Variants in CSMD1 observed in about 807,000 individuals in gnomAD.
The protein encoded by CSMD1 is CUB and Sushi multiple domains 1.
A neutral mutation model predicts 417.5 loss-of-function variants in CSMD1; 213 were observed. That is an observed-to-expected ratio of 0.51 (90% CI 0.46 to 0.57). CSMD1 has a LOEUF of 0.57. Ranked by LOEUF, CSMD1 falls within the 20% of genes least tolerant of loss-of-function variation. The pLI is 0.00. For missense variants in CSMD1, 6,923 were observed against 4,529.7 expected, an observed-to-expected ratio of 1.53 and a Z score of -15.17; for synonymous variants, 2,862 against 1,736.8, an observed-to-expected ratio of 1.65 and a Z score of -16.11.
At chr8:4,243,123 G>C (rs1585084911) in intron 3 of CSMD1, among the ~76,000 whole-genome samples, 2 of 152,010 alleles carry the variant, frequency 1.3e-5, no homozygotes, top group South Asian at 4.1e-4. Context: ...TGGAAAATCA[G>C]ACAAATTGAG....
At chr8:3,498,812 CATTTT>C (rs1796473073) in intron 10 of CSMD1, among the ~76,000 whole-genome samples, 2 of 151,914 alleles carry the variant, frequency 1.3e-5, no homozygotes, top group African/African-American at 2.4e-5. Context: ...AAATTGTATT[CATTTT>C]ATTATTCAGT....
At chr8:4,252,299 T>A (rs140492451) in intron 3 of CSMD1, among the ~76,000 whole-genome samples, 2 of 152,296 alleles carry the variant, frequency 1.3e-5, no homozygotes, top group East Asian at 3.9e-4. Flanking sequence ...TCATGCACAC[T>A]CCAACATTTG....
intron 1 of CSMD1, among the ~76,000 whole-genome samples, chr8:4,935,399 A>G (rs902077119): frequency 2.0e-5 from 3 of 152,170 alleles, no homozygotes; most frequent in African/African-American, 7.2e-5. Flanking sequence ...CAAAAGCCCT[A>G]TTACTCTGTG....
intron 4 of CSMD1, among the ~76,000 whole-genome samples, chr8:4,023,761 T>C (rs1796912894): frequency 9.9e-6 from 1 of 100,838 alleles, no homozygotes; most frequent in Non-Finnish European, 2.0e-5. Flanking sequence ...TAATTTTTTT[T>C]TTTTTTTTTT....
chr8:3,444,184 T>A (rs1815162425), intron 12 of CSMD1, among the ~76,000 whole-genome samples: 1 of 152,164 alleles, frequency 6.6e-6, no homozygotes, highest in South Asian at 2.1e-4. Flanking sequence ...TGTTGAAATA[T>A]CATTTGCCAT....
intron 1 of CSMD1, among the ~76,000 whole-genome samples, chr8:4,887,527 T>G (rs1803832457): frequency 6.6e-6 from 1 of 151,968 alleles, no homozygotes; most frequent in Admixed American, 6.6e-5. Flanking sequence ...CCTTGTTATT[T>G]TTTACATAGT....
chr8:3,001,121 G>A (rs148480232), intron 52 of CSMD1, among the ~76,000 whole-genome samples: 93 of 151,992 alleles, frequency 6.1e-4, no homozygotes, highest in African/African-American at 2.1e-3. Context: ...ATGGGACTAC[G>A]CCACCATGGT....
intron 33 of CSMD1, 29 bp downstream of exon 33, chr8:3,199,685 C>T (rs745790386): frequency 1.4e-6 from 2 of 1,460,928 alleles, no homozygotes; most frequent in East Asian, 2.4e-5. Context: ...ACCACAGTGA[C>T]ATGTGGAGAC....
chr8:4,089,171 T>A (rs1018632804), intron 3 of CSMD1, among the ~76,000 whole-genome samples: 1 of 152,162 alleles, frequency 6.6e-6, no homozygotes, highest in Admixed American at 6.5e-5. Context: ...TCCCCACTCT[T>A]TATGGTGACA....
intron 2 of CSMD1, among the ~76,000 whole-genome samples, chr8:4,554,912 T>A (rs553922026): frequency 6.6e-6 from 1 of 152,248 alleles, no homozygotes; most frequent in South Asian, 2.1e-4. Flanking sequence ...GGATGTGGGA[T>A]GCTGTCTTCT....
At chr8:4,416,805 G>A (rs1219983142) in intron 3 of CSMD1, among the ~76,000 whole-genome samples, 3 of 151,996 alleles carry the variant, frequency 2.0e-5, no homozygotes, top group Non-Finnish European at 4.4e-5. Context: ...AGGTCAGCTT[G>A]ATGACAAAGT....
At chr8:3,031,759 A>G (rs1300078082) in intron 50 of CSMD1, among the ~76,000 whole-genome samples, 1 of 151,930 alleles carries the variant, frequency 6.6e-6, no homozygotes, top group Non-Finnish European at 1.5e-5. Context: ...TACCATCTAC[A>G]GTATCAATTT....
chr8:3,703,757 A>T (rs190147214), intron 7 of CSMD1, among the ~76,000 whole-genome samples: 1 of 152,262 alleles, frequency 6.6e-6, no homozygotes, highest in Admixed American at 6.5e-5. Context: ...ATCTATGGCC[A>T]GCTATTACAT....
In CSMD1 at chr8:4,486,949, G is replaced by T. The variant is rs185053992; in HGVS notation, c.303-66884C>A. Among the ~76,000 whole-genome samples the T allele has an allele frequency of 1.2e-4, 19 of 152,238 alleles. No homozygotes were observed. In the East Asian group the frequency reaches 3.7e-3, roughly 29 times the overall value. On this transcript the variant is annotated intron_variant, in intron 2 of 69. Transcript: ENST00000635120. The stretch of plus-strand genomic sequence containing the variant: ...TGTCAAGCAGGCAGGGTCCTAAATG[G>T]TAGCTCACAGAGAGAGATGCACAGC...
At chr8:4,336,774 G>A (rs896747848) in intron 3 of CSMD1, among the ~76,000 whole-genome samples, 1 of 152,100 alleles carries the variant, frequency 6.6e-6, no homozygotes, top group Non-Finnish European at 1.5e-5. Context: ...GCAAAGCTGG[G>A]CCCAGAGGGA....
chr8:3,090,427 A>G (rs1165565614), intron 48 of CSMD1, among the ~76,000 whole-genome samples: 2 of 151,136 alleles, frequency 1.3e-5, no homozygotes, highest in South Asian at 4.2e-4. Flanking sequence ...CAAAGGTCTG[A>G]GTATATTTTA....
intron 3 of CSMD1, among the ~76,000 whole-genome samples, chr8:4,299,756 G>C (rs747285688): frequency 1.3e-5 from 2 of 151,818 alleles, no homozygotes; most frequent in Non-Finnish European, 2.9e-5. Context: ...TCAGCCTCCC[G>C]AGTAGCTGAG....
intron 7 of CSMD1, among the ~76,000 whole-genome samples, chr8:3,664,181 T>C (rs1585039210): frequency 6.6e-6 from 1 of 152,242 alleles, no homozygotes; most frequent in East Asian, 1.9e-4. Context: ...ATCCCTACCC[T>C]AGACCCCCAC....
At chr8:4,095,915 C>T (rs1800982713) in intron 3 of CSMD1, among the ~76,000 whole-genome samples, 1 of 151,998 alleles carries the variant, frequency 6.6e-6, no homozygotes, top group South Asian at 2.1e-4. Context: ...ATTTTTGTTT[C>T]AGTTATTTAA....
Sources: allele counts gnomAD v4.1 joint callset (sites outside exome capture counted in the v4.1 genomes callset), GRCh38; gene constraint gnomAD v4.1.1; transcripts MANE v1.5; gene names NCBI Gene and HGNC (gene_info 2026-07-23, HGNC 2026-07-21).